KDM5A: variants seen among roughly 807,000 people sequenced by gnomAD.
The protein encoded by KDM5A is lysine-specific demethylase 5A.
KDM5A carries 42 observed loss-of-function variants against 193.5 expected under a neutral mutation model. The observed-to-expected ratio is 0.22, with a 90% CI of 0.17 to 0.28. The LOEUF is 0.28. Ranked by LOEUF, KDM5A falls within the 10% of genes least tolerant of loss-of-function variation. The pLI is 1.00. For missense variants in KDM5A, 1,692 were observed against 2,055.1 expected (o/e 0.82, Z 3.42); for synonymous variants, 796 against 718.1 (o/e 1.11, Z -1.73).
chr12:356,741 A>G (rs1944233791), intron 5 of KDM5A, among the ~76,000 whole-genome samples: 1 of 152,212 alleles, frequency 6.6e-6, no homozygotes, highest in African/African-American at 2.4e-5. Flanking sequence ...TTTCCACAAA[A>G]TAAAACTCGT....
chr12:357,634 C>T (rs1763029674), intron 5 of KDM5A, among the ~76,000 whole-genome samples: 1 of 151,656 alleles, frequency 6.6e-6, no homozygotes, highest in African/African-American at 2.4e-5. Context: ...TCTAAACCAG[C>T]CCGCCCAATA....
At chr12:311,271 T>C (rs1207387313) in intron 20 of KDM5A, 2 of 582,932 alleles carry the variant, frequency 3.4e-6, no homozygotes, top group African/African-American at 1.9e-5. Flanking sequence ...ATGTCATCAA[T>C]GATTTTATTT....
chr12:323,238 A>C, intron 15 of KDM5A, 32 bp from the exon 16 acceptor site: 1 of 1,489,778 alleles, frequency 6.7e-7, no homozygotes, highest in Non-Finnish European at 8.9e-7. Context: ...AAAAAAAAAA[A>C]AGAAAACAGA....
intron 22 of KDM5A, among the ~76,000 whole-genome samples, chr12:308,210 C>G (rs1050761177): frequency 1.3e-5 from 2 of 152,146 alleles, no homozygotes; most frequent in African/African-American, 4.8e-5. Context: ...TACATCAGTA[C>G]AGTACTTTGG....
Position 295,749 on chromosome 12 carries a change from G to C in KDM5A, c.4279C>G (p.Pro1427Ala), listed in dbSNP as rs1213163822. The change falls in exon 26 of 28, where the codon CCC becomes GCC. Residue 1427 changes from proline (P) to alanine (A), a missense_variant. Transcript: ENST00000399788. ...RKQPRKSPLV[P>A]RSLEPPVLEL... ...AGCACTGGAGGTTCCAAACTTCGGG[G>C]CACCAAAGGGCTCTTCCGAGGTTGT... 6.2e-7 allele frequency: 1 copy of C among 1,613,964 alleles called. No individual in the cohort carries two copies. Among genetic ancestry groups the C allele is most frequent in the South Asian group, 1.1e-5 (1 of 91,066 alleles).
rs200652102 is a variant in KDM5A, at chr12:322,439, G to C, written c.2404C>G (p.Leu802Val). 1.2e-6 allele frequency: 2 copies of C among 1,612,880 alleles called. No individual in the cohort carries two copies. The highest frequency in any genetic ancestry group is 1.7e-6 in the Non-Finnish European group (2 of 1,179,964). Residue 802 changes from leucine to valine, a missense_variant, in exon 17 of 28, where the codon CTG becomes GTG. Coordinates refer to ENST00000399788, the MANE Select transcript of KDM5A (RefSeq NM_001042603.3). The part of the protein sequence containing the change: ...ETCASVAQLL[L>V]SKKQKHRQSP... Reference sequence around the variant, plus strand: ...TACCTGTGTTTCTGCTTTTTGCTCAGAAGCAGCTGAGCCACAGAAGCACAG... The same window carrying C: ...TACCTGTGTTTCTGCTTTTTGCTCACAAGCAGCTGAGCCACAGAAGCACAG...
rs771675598 is a variant in KDM5A, at chr12:356,484, A to C, written c.726T>G (p.Phe242Leu). The change falls in exon 6 of 28, where the codon TTT (phenylalanine) becomes TTG (leucine). Residue 242 changes from phenylalanine (F) to leucine (L), a missense_variant. Physicochemically the swap from Phe to Leu is conservative, Grantham distance 22. This residue lies in a region of KDM5A where 134 missense variants were observed against 124.2 expected (regional missense o/e 1.08). Transcript: ENST00000399788. The stretch of plus-strand genomic sequence containing the variant: ...AGCCCACAACCTTGGGCCCAGCCCC[A>C]AAAATCTGAAGTTTCTTCAGTTCCG... ...RNTELKKLQI[F>L]GAGPKVVGLA... 13 of 1,613,748 alleles carry C rather than the reference A, an allele frequency of 8.1e-6. No homozygotes were observed. The South Asian group carries it at 8.8e-5, about 11-fold the overall frequency.
chr12:369,893 C>G (rs1363889180), intron 3 of KDM5A, among the ~76,000 whole-genome samples: 1 of 152,156 alleles, frequency 6.6e-6, no homozygotes, highest in African/African-American at 2.4e-5. Flanking sequence ...TGCATGGATC[C>G]AGTCATGATG....
chr12:355,289 G>A lies in KDM5A; in HGVS notation c.779-40C>T, dbSNP rs376335204. 1.1e-5 allele frequency: 12 copies of A among 1,097,506 alleles called. No individual in the cohort carries two copies. In the African/African-American group the frequency reaches 1.8e-4, roughly 17 times the overall value. The allele number at this position is 1,097,506 out of a possible 1,614,324, so 68.0% of individuals were successfully genotyped here. ...TTACACAATAATAGTAAAAACCAAT[G>A]TTGAGAGCTTACTATGGACCAGACA... On this transcript the variant is annotated intron_variant, in intron 6 of 27. Coordinates refer to ENST00000399788, the MANE Select transcript of KDM5A (RefSeq NM_001042603.3).
intron 5 of KDM5A, among the ~76,000 whole-genome samples, chr12:359,929 T>A (rs756530134): frequency 3.3e-5 from 5 of 152,028 alleles, no homozygotes; most frequent in African/African-American, 4.8e-5. Flanking sequence ...AACCATGCTG[T>A]AGCCAATAAG....
chr12:346,452 C>A (rs914715487), intron 10 of KDM5A, among the ~76,000 whole-genome samples: 2 of 152,066 alleles, frequency 1.3e-5, no homozygotes, highest in African/African-American at 2.4e-5. Flanking sequence ...CTGGCAGAGA[C>A]ACAACAAAAA....
At chr12:310,401 C>T (rs116041733) in intron 21 of KDM5A, among the ~76,000 whole-genome samples, 2,058 of 152,254 alleles carry the variant, frequency 0.014, 53 homozygotes, top group African/African-American at 0.047. Flanking sequence ...AAGACTGAGG[C>T]GGGCGCATCA....
rs750693046 is a variant in KDM5A, at chr12:389,115, G to T, written c.-24C>A. ...ATTGCAACGGCCGGGGGGGGGGGGG[G>T]GTCCCCGTGGGGAACCGGTGGAGAA... On this transcript the variant is annotated 5_prime_UTR_variant, in exon 1 of 28. Transcript: ENST00000399788. The T allele has an allele frequency of 1.7e-5, 23 of 1,380,658 alleles. No individual in the cohort carries two copies. The highest frequency in any genetic ancestry group is 3.9e-5 in the Admixed American group (2 of 51,442). 85.5% of individuals were successfully genotyped at this position (1,380,658 alleles called of 1,614,324 possible).
At chr12:320,452 C>T (rs1463098590) in intron 18 of KDM5A, among the ~76,000 whole-genome samples, 2 of 152,054 alleles carry the variant, frequency 1.3e-5, no homozygotes, top group Admixed American at 1.3e-4. Flanking sequence ...GCCGAGATCT[C>T]GCCACTGCAC....
At chr12:334,470 G>A in intron 10 of KDM5A, 48 bp from the exon 11 acceptor site, 1 of 1,526,200 alleles carries the variant, frequency 6.6e-7, no homozygotes, top group Non-Finnish European at 9.1e-7. Context: ...AATGAAAAGT[G>A]CTCAATAGAA....
rs539257568 is a variant in KDM5A, at chr12:292,394, T to C, written c.4866+365A>G. On this transcript the variant is annotated intron_variant, in intron 27 of 27. Transcript: ENST00000399788. ...CTGGCCCAGGATTTTTTTCAGGCCA[T>C]TGTGACTATCCGACAAGGTATTTAG... Among the ~76,000 whole-genome samples the C allele has an allele frequency of 2.5e-3, 378 of 152,314 alleles. 1 individual carries two copies. Among genetic ancestry groups the C allele is most frequent in the African/African-American group, 8.7e-3 (361 of 41,576 alleles).
chr12:311,260 CAT>C (rs1208362239), intron 20 of KDM5A, 196 bp from the exon 21 acceptor site: 2 of 603,120 alleles, frequency 3.3e-6, no homozygotes, highest in African/African-American at 3.7e-5. Flanking sequence ...TTTTAATGAA[CAT>C]GTCATCAATG....
At chr12:382,824 C>T (rs1388350179) in intron 3 of KDM5A, among the ~76,000 whole-genome samples, 5 of 151,944 alleles carry the variant, frequency 3.3e-5, no homozygotes, top group South Asian at 2.1e-4. Flanking sequence ...CCCAGCTACT[C>T]GGGAGGCTGA....
At chr12:368,114 A>G (rs1287754135) in intron 3 of KDM5A, among the ~76,000 whole-genome samples, 2 of 152,226 alleles carry the variant, frequency 1.3e-5, no homozygotes, top group African/African-American at 4.8e-5. Context: ...GTTCTGATAC[A>G]TCCCAAACAT....
Sources: gnomAD v4.1 joint callset for allele counts (sites outside exome capture counted in the v4.1 genomes callset) on GRCh38, gnomAD v4.1.1 for gene constraint, gnomAD v4.1.1 regional missense constraint, MANE v1.5 for transcripts, NCBI Gene and HGNC (gene_info 2026-07-23, HGNC 2026-07-21) for gene names.